Variants in AGBL1 observed in about 807,000 individuals in gnomAD.
AGBL1 encodes cytosolic carboxypeptidase 4.
A neutral mutation model predicts 118.9 loss-of-function variants in AGBL1; 130 were observed. That is an observed-to-expected ratio of 1.09 (90% confidence interval 0.95 to 1.26). The LOEUF (loss-of-function observed/expected upper bound fraction) is 1.26. Among genes scored for constraint, AGBL1 ranks in the 50% most tolerant of loss-of-function variants. The pLI, the probability that AGBL1 is intolerant of heterozygous loss-of-function variation, is 0.00. For missense variants in AGBL1, 1,584 were observed against 1,298.1 expected (o/e 1.22, Z -3.38); for synonymous variants, 555 against 478.9 (o/e 1.16, Z -2.08).
intron 1 of AGBL1, among the ~76,000 whole-genome samples, chr15:86,103,458 T>C (rs1896852413): frequency 6.6e-6 from 1 of 152,224 alleles, no homozygotes. Context: ...TCTGCGCATC[T>C]GGTAAAGCAG....
rs1037425184 is a variant in AGBL1, at chr15:86,121,918, G to A, written c.52-20086G>A. On this transcript the variant is annotated intron_variant, in intron 1 of 22. Coordinates refer to ENST00000614907, the MANE Select transcript of AGBL1 (RefSeq NM_001386094.1). ...TTATAAGATAAAATGAAACAAATTT[G>A]GCTTTTTGAAAAGGAGGACTTTCAT... 9.2e-5 allele frequency among the ~76,000 whole-genome samples: 14 copies of A among 152,278 alleles called. 1 individual carries two copies. Among genetic ancestry groups the A allele is most frequent in the Admixed American group, 4.6e-4 (7 of 15,286 alleles).
chr15:86,462,124 G>A (rs2082341707), intron 18 of AGBL1, among the ~76,000 whole-genome samples: 1 of 152,194 alleles, frequency 6.6e-6, no homozygotes, highest in African/African-American at 2.4e-5. Context: ...TATAGGAGTT[G>A]AAAATATACA....
chr15:86,473,033 A>G (rs1352862945), intron 18 of AGBL1, among the ~76,000 whole-genome samples: 1 of 152,252 alleles, frequency 6.6e-6, no homozygotes, highest in African/African-American at 2.4e-5. Context: ...TCTTATAACT[A>G]CAATAGTATA....
At position 86,904,780 on chromosome 15, in the gene AGBL1, ATAAAT is replaced by A. The variant is rs904213694; in HGVS notation, c.3159-2302_3159-2298del. ...ATCCATATATAAAAATATTTTAAAA[ATAAAT>A]TAAAAAGTAATTCCACAAAAGATGA... On this transcript the variant is annotated intron_variant, in intron 22 of 22. Coordinates refer to ENST00000614907, the MANE Select transcript of AGBL1 (RefSeq NM_001386094.1). 9.2e-5 allele frequency among the ~76,000 whole-genome samples: 14 copies of A among 151,408 alleles called. 1 individual carries two copies. Among genetic ancestry groups the A allele is most frequent in the Middle Eastern group, 3.4e-3 (1 of 292 alleles).
chr15:86,219,970 T>TTTA (rs1555450415), intron 5 of AGBL1, among the ~76,000 whole-genome samples: 1 of 145,830 alleles, frequency 6.9e-6, no homozygotes, highest in South Asian at 2.2e-4. Context: ...TTTTTTTTTT[T>TTTA]AGATGGAGTT....
At chr15:86,407,232 C>A (rs1035046887) in intron 18 of AGBL1, among the ~76,000 whole-genome samples, 3 of 151,958 alleles carry the variant, frequency 2.0e-5, no homozygotes, top group Non-Finnish European at 4.4e-5. Flanking sequence ...TTTTGCAGAC[C>A]GAAAAATGAA....
At chr15:86,352,617 G>A (rs376687940) in intron 17 of AGBL1, among the ~76,000 whole-genome samples, 13 of 152,032 alleles carry the variant, frequency 8.6e-5, no homozygotes, top group African/African-American at 3.1e-4. Context: ...GAGGGGCTGG[G>A]ATTACAAGTG....
intron 18 of AGBL1, among the ~76,000 whole-genome samples, chr15:86,411,106 A>C (rs556770026): frequency 4.2e-4 from 63 of 150,992 alleles, no homozygotes; most frequent in Admixed American, 2.7e-4. Flanking sequence ...TTACTCATCA[A>C]ATAGATTTAA....
chr15:86,865,740 G>C (rs181603181), intron 22 of AGBL1, among the ~76,000 whole-genome samples: 6 of 152,182 alleles, frequency 3.9e-5, no homozygotes, highest in South Asian at 4.2e-4. Context: ...GTCAACCTGC[G>C]CCTTCATTTT....
chr15:86,781,471 T>G (rs887104552), intron 22 of AGBL1, among the ~76,000 whole-genome samples: 2 of 152,194 alleles, frequency 1.3e-5, no homozygotes, highest in Non-Finnish European at 2.9e-5. Flanking sequence ...TCTGAGTGCA[T>G]GACCCATGAC....
At chr15:87,016,743 G>A (rs974526892) in intron 24 of AGBL1, among the ~76,000 whole-genome samples, 1 of 152,100 alleles carries the variant, frequency 6.6e-6, no homozygotes, top group African/African-American at 2.4e-5. Flanking sequence ...AGAGCCAAAG[G>A]AACCACCACC....
intron 21 of AGBL1, among the ~76,000 whole-genome samples, chr15:86,657,951 A>G (rs185490827): frequency 6.6e-6 from 1 of 151,974 alleles, no homozygotes; most frequent in Non-Finnish European, 1.5e-5. Context: ...CAGAGATAAG[A>G]TGCTCAACTT....
intron 17 of AGBL1, among the ~76,000 whole-genome samples, chr15:86,305,565 A>G (rs1179390863): frequency 6.6e-6 from 1 of 152,220 alleles, no homozygotes; most frequent in Non-Finnish European, 1.5e-5. Flanking sequence ...TAAAATTAAA[A>G]AACTAAAAAG....
chr15:86,975,227 A>C (rs1398927253), intron 23 of AGBL1, among the ~76,000 whole-genome samples: 1 of 152,070 alleles, frequency 6.6e-6, no homozygotes, highest in Non-Finnish European at 1.5e-5. Flanking sequence ...ACTGAGGTTT[A>C]ATTGACTCAC....
intron 17 of AGBL1, among the ~76,000 whole-genome samples, chr15:86,355,758 G>T (rs2080703407): frequency 6.6e-6 from 1 of 152,152 alleles, no homozygotes; most frequent in Non-Finnish European, 1.5e-5. Flanking sequence ...CAGGTGAAGG[G>T]GGGCATGAGG....
At chr15:86,587,094 A>G (rs1411821363) in intron 21 of AGBL1, among the ~76,000 whole-genome samples, 5 of 152,182 alleles carry the variant, frequency 3.3e-5, no homozygotes, top group Non-Finnish European at 4.4e-5. Flanking sequence ...TTCTCTCCTT[A>G]CTGCTAAATT....
chr15:86,463,934 G>A (rs1003488300), intron 18 of AGBL1, among the ~76,000 whole-genome samples: 4 of 152,034 alleles, frequency 2.6e-5, no homozygotes, highest in Non-Finnish European at 4.4e-5. Flanking sequence ...CTCTTTTTTG[G>A]TTCCATATGA....
At chr15:86,783,552 A>G (rs1225044570) in intron 22 of AGBL1, among the ~76,000 whole-genome samples, 1 of 152,198 alleles carries the variant, frequency 6.6e-6, no homozygotes, top group African/African-American at 2.4e-5. Flanking sequence ...ACTCCCTGCC[A>G]TTGGCTTTCT....
intron 1 of AGBL1, among the ~76,000 whole-genome samples, chr15:86,127,048 A>T (rs942891640): frequency 6.6e-5 from 10 of 152,192 alleles, no homozygotes; most frequent in African/African-American, 2.4e-4. Context: ...TACAGACAGG[A>T]TGGGTAATCT....
Sources: allele counts gnomAD v4.1 joint callset (sites outside exome capture counted in the v4.1 genomes callset), GRCh38; gene constraint gnomAD v4.1.1; transcripts MANE v1.5; gene names NCBI Gene and HGNC (gene_info 2026-07-23, HGNC 2026-07-21).